Variants in NAALADL2 observed in about 807,000 individuals in gnomAD.
NAALADL2 encodes the protein N-acetylated alpha-linked acidic dipeptidase like 2, also known as inactive N-acetylated-alpha-linked acidic dipeptidase-like protein 2.
A neutral mutation model predicts 87.2 loss-of-function variants in NAALADL2; 76 were observed. The observed-to-expected ratio is 0.87, with a 90% confidence interval of 0.72 to 1.05. The LOEUF (loss-of-function observed/expected upper bound fraction) is 1.05, where lower values mean the gene tolerates loss of function less well. Among genes scored for constraint, NAALADL2 ranks in the 50% least tolerant of loss-of-function variants. The pLI is 0.00. For synonymous variants in NAALADL2, 354 were observed against 331.0 expected (o/e 1.07, Z -0.75); for missense variants, 1,089 against 945.8 (o/e 1.15, Z -1.99).
chr3:175,158,334 A>G (rs1732625037), intron 2 of NAALADL2, among the ~76,000 whole-genome samples: 1 of 152,088 alleles, frequency 6.6e-6, no homozygotes, highest in South Asian at 2.1e-4. Flanking sequence ...AAGCAAGGAC[A>G]CTGTGGTTTA....
At chr3:175,020,541 G>A (rs1422635641) in intron 1 of NAALADL2, among the ~76,000 whole-genome samples, 1 of 152,022 alleles carries the variant, frequency 6.6e-6, no homozygotes. Flanking sequence ...CAGGCTGGAA[G>A]CCTCAGTTAT....
chr3:175,567,230 C>T (rs1033230739), intron 9 of NAALADL2, among the ~76,000 whole-genome samples: 4 of 152,102 alleles, frequency 2.6e-5, no homozygotes, highest in Non-Finnish European at 4.4e-5. Context: ...AGAAATCCAT[C>T]GTCTTCTATC....
chr3:175,615,307 GTAAGCC>G (rs1725180470), intron 10 of NAALADL2, among the ~76,000 whole-genome samples: 1 of 151,980 alleles, frequency 6.6e-6, no homozygotes, highest in Non-Finnish European at 1.5e-5. Flanking sequence ...CTTCACCCTT[GTAAGCC>G]TCTTTCCTTA....
intron 1 of NAALADL2, among the ~76,000 whole-genome samples, chr3:174,874,708 T>C (rs780466456): frequency 7.9e-5 from 12 of 152,182 alleles, no homozygotes; most frequent in Non-Finnish European, 1.5e-4. Flanking sequence ...TTTTTGCTAC[T>C]TAAATATTTT....
At chr3:175,531,120 C>G (rs7612238) in intron 9 of NAALADL2, among the ~76,000 whole-genome samples, 4,009 of 152,180 alleles carry the variant, frequency 0.026, 175 homozygotes, top group African/African-American at 0.09. Flanking sequence ...GAGCAGCTTG[C>G]ACAGCAGCCT....
At chr3:174,761,368 T>G (rs1402022541) in intron 3 of NAALADL2, among the ~76,000 whole-genome samples, 1 of 152,136 alleles carries the variant, frequency 6.6e-6, no homozygotes, top group African/African-American at 2.4e-5. Context: ...AAAGCTATTT[T>G]AAAATAAAGT....
At position 175,253,745 on chromosome 3, in the gene NAALADL2, G is replaced by A. The variant is rs572425318; in HGVS notation, c.820-2666G>A. On this transcript the variant is annotated intron_variant, in intron 3 of 13. Coordinates refer to ENST00000454872, the MANE Select transcript of NAALADL2 (RefSeq NM_207015.3). ...CAGGTCAAAATATCAGCATTAACGG[G>A]AGTTTGAAAGAAATTGGTTTCAACC... is the stretch of plus-strand genomic sequence containing the variant. Among the ~76,000 whole-genome samples, 14 of 152,268 alleles carry A rather than the reference G, an allele frequency of 9.2e-5. No homozygotes were observed. The South Asian group carries it at 2.9e-3, about 32-fold the overall frequency.
chr3:174,979,330 G>T (rs1348717583), intron 1 of NAALADL2, among the ~76,000 whole-genome samples: 3 of 130,332 alleles, frequency 2.3e-5, no homozygotes, highest in African/African-American at 1.0e-4. Context: ...TTTTGAGACG[G>T]AGTCTCGCTC....
intron 9 of NAALADL2, among the ~76,000 whole-genome samples, chr3:175,499,313 G>T (rs1403988410): frequency 6.6e-6 from 1 of 152,042 alleles, no homozygotes; most frequent in Non-Finnish European, 1.5e-5. Flanking sequence ...TAACCAATGA[G>T]ATTTCACCAA....
chr3:175,730,345 T>C (rs1317375686), intron 11 of NAALADL2, among the ~76,000 whole-genome samples: 1 of 143,324 alleles, frequency 7.0e-6, no homozygotes, highest in Admixed American at 7.1e-5. Flanking sequence ...CTGTAGTAAT[T>C]TTAGTTGTAT....
chr3:174,915,546 G>C (rs111428480), intron 1 of NAALADL2, among the ~76,000 whole-genome samples: 3,330 of 152,076 alleles, frequency 0.022, 121 homozygotes, highest in African/African-American at 0.077. Flanking sequence ...ATATGTTAGA[G>C]GTTCAAGGTG....
chr3:175,690,536 G>C (rs1470827412), intron 11 of NAALADL2, among the ~76,000 whole-genome samples: 2 of 151,806 alleles, frequency 1.3e-5, no homozygotes, highest in African/African-American at 4.8e-5. Flanking sequence ...ATTATGATAG[G>C]GTCTAAGAGA....
At chr3:174,823,757 C>A (rs67904731) in intron 3 of NAALADL2, among the ~76,000 whole-genome samples, 15,791 of 152,110 alleles carry the variant, frequency 0.1, 958 homozygotes, top group Middle Eastern at 0.14. Context: ...GGAAGCCAGG[C>A]TGGAGTGCAG....
At chr3:175,417,121 A>AG (rs1714794117) in intron 5 of NAALADL2, among the ~76,000 whole-genome samples, 1 of 150,338 alleles carries the variant, frequency 6.7e-6, no homozygotes, top group Non-Finnish European at 1.5e-5. Context: ...AGAAAAGAAA[A>AG]AAAAAAAAAA....
chr3:174,625,061 T>TTTTTTTC (rs1560101469), intron 2 of NAALADL2, among the ~76,000 whole-genome samples: 2 of 60,248 alleles, frequency 3.3e-5, no homozygotes, highest in Non-Finnish European at 5.7e-5. Flanking sequence ...CTCTCTCTTT[T>TTTTTTTC]TTTTTTTTTT....
chr3:175,714,021 G>T (rs1740902254), intron 11 of NAALADL2, among the ~76,000 whole-genome samples: 1 of 152,046 alleles, frequency 6.6e-6, no homozygotes, highest in Non-Finnish European at 1.5e-5. Context: ...GAGAATGATG[G>T]TTTCCAGCTT....
chr3:175,109,091 T>G (rs1409693422), intron 2 of NAALADL2, among the ~76,000 whole-genome samples: 5 of 151,868 alleles, frequency 3.3e-5, no homozygotes, highest in African/African-American at 1.2e-4. Context: ...AATTTTTAAA[T>G]TATATTTCAA....
At chr3:174,826,038 AACAACAACAACAACG>A (rs1408426369) in intron 3 of NAALADL2, among the ~76,000 whole-genome samples, 1 of 150,398 alleles carries the variant, frequency 6.6e-6, no homozygotes, top group Non-Finnish European at 1.5e-5. Flanking sequence ...AAACAACAAC[AACAACAACAACAACG>A]ACAACAACAA....
At chr3:174,573,006 A>G (rs1463472756) in intron 2 of NAALADL2, among the ~76,000 whole-genome samples, 1 of 152,204 alleles carries the variant, frequency 6.6e-6, no homozygotes, top group African/African-American at 2.4e-5. Flanking sequence ...CAGAAGCAGG[A>G]TTCAAATTCA....
Sources: gnomAD v4.1 joint callset for allele counts (sites outside exome capture counted in the v4.1 genomes callset) on GRCh38, gnomAD v4.1.1 for gene constraint, MANE v1.5 for transcripts, NCBI Gene and HGNC (gene_info 2026-07-23, HGNC 2026-07-21) for gene names.